The following CEP128 variants were observed in gnomAD, a reference collection of about 807,000 sequenced individuals.
The protein encoded by CEP128 is centrosomal protein 128kDa.
Under a neutral mutation model 156.7 loss-of-function variants are expected in CEP128, and 132 were observed. The observed-to-expected ratio is 0.84, with a 90% CI of 0.73 to 0.97. The LOEUF is 0.97. Among genes scored for constraint, CEP128 ranks in the 50% least tolerant of loss-of-function variants. The pLI, the probability that CEP128 is intolerant of heterozygous loss-of-function variation, is 0.00. For synonymous variants in CEP128, 469 were observed against 448.9 expected, an observed-to-expected ratio of 1.04 and a Z score of -0.57; for missense variants, 1,252 against 1,281.9, an observed-to-expected ratio of 0.98 and a Z score of 0.36.
chr14:80,681,555 T>G (rs1208481091), intron 19 of CEP128, among the ~76,000 whole-genome samples: 1 of 152,178 alleles, frequency 6.6e-6, no homozygotes, highest in African/African-American at 2.4e-5. Context: ...GGGAGGTAAT[T>G]GAATCACGGG....
chr14:80,519,904 C>T (rs1888658327), intron 23 of CEP128, among the ~76,000 whole-genome samples: 1 of 152,106 alleles, frequency 6.6e-6, no homozygotes, highest in Admixed American at 6.5e-5. Context: ...TTAAAGTTTG[C>T]TGTGGTGGAA....
Position 80,496,692 on chromosome 14 carries a change from T to C in CEP128, c.*787A>G, listed in dbSNP as rs1240715236. ...TAGGACCAAATTATACAAGATTATATATAAATCTCATGGACAAAGGAGTTT... is the reference window on the plus strand; with the variant it reads ...TAGGACCAAATTATACAAGATTATACATAAATCTCATGGACAAAGGAGTTT... On this transcript the variant is annotated 3_prime_UTR_variant, in exon 25 of 25. Transcript: ENST00000555265. 6.6e-6 allele frequency: 1 copy of C among 152,202 alleles called. No homozygotes were observed. Among genetic ancestry groups the C allele is most frequent in the African/African-American group, 2.4e-5 (1 of 41,438 alleles). The allele number at this position is 152,202 out of a possible 1,614,324, so 9.4% of individuals were successfully genotyped here. A position where few individuals can be genotyped will look rare whatever the true frequency, so the allele number is the denominator to read the frequency against.
chr14:80,826,787 C>T (rs987293741), intron 13 of CEP128, among the ~76,000 whole-genome samples: 1 of 150,430 alleles, frequency 6.6e-6, no homozygotes, highest in African/African-American at 2.4e-5. Flanking sequence ...GAAGTTCTTT[C>T]TTGAATTTAA....
intron 19 of CEP128, among the ~76,000 whole-genome samples, chr14:80,657,223 C>T (rs1467563232): frequency 6.6e-6 from 1 of 151,386 alleles, no homozygotes; most frequent in Non-Finnish European, 1.5e-5. Flanking sequence ...CGCCACTGCG[C>T]TCCAGCCTGG....
At chr14:80,619,371 C>CACACAG (rs1893369025) in intron 19 of CEP128, among the ~76,000 whole-genome samples, 1 of 147,126 alleles carries the variant, frequency 6.8e-6, no homozygotes, top group South Asian at 2.3e-4. Flanking sequence ...CACACAGACA[C>CACACAG]ACACACACAC....
intron 19 of CEP128, among the ~76,000 whole-genome samples, chr14:80,713,620 G>A (rs1050622442): frequency 6.6e-6 from 1 of 152,198 alleles, no homozygotes; most frequent in African/African-American, 2.4e-5. Context: ...CTAGTGGACT[G>A]TAGCATATTC....
intron 21 of CEP128, among the ~76,000 whole-genome samples, chr14:80,541,735 C>T (rs901019205): frequency 1.3e-5 from 2 of 152,164 alleles, no homozygotes; most frequent in Admixed American, 6.5e-5. Flanking sequence ...TCTATGCCAT[C>T]GTGACTTTAT....
At chr14:80,898,151 G>A (rs1889435505) in intron 7 of CEP128, among the ~76,000 whole-genome samples, 1 of 152,148 alleles carries the variant, frequency 6.6e-6, no homozygotes, top group Non-Finnish European at 1.5e-5. Flanking sequence ...CTTTCTAAAA[G>A]TTTGCTTCCC....
chr14:80,745,411 T>C (rs1899048194), intron 18 of CEP128, among the ~76,000 whole-genome samples: 1 of 152,152 alleles, frequency 6.6e-6, no homozygotes, highest in Non-Finnish European at 1.5e-5. Flanking sequence ...ACTAATACAA[T>C]GATCAAGTGG....
intron 16 of CEP128, among the ~76,000 whole-genome samples, chr14:80,765,369 A>C (rs1339290336): frequency 6.6e-6 from 1 of 152,204 alleles, no homozygotes; most frequent in Non-Finnish European, 1.5e-5. Context: ...AGTTAATCCA[A>C]GTATCCTGTT....
At chr14:80,653,393 G>C (rs1272895694) in intron 19 of CEP128, among the ~76,000 whole-genome samples, 3 of 151,962 alleles carry the variant, frequency 2.0e-5, no homozygotes, top group Non-Finnish European at 4.4e-5. Context: ...GAAAAGAAGT[G>C]GTCTCTATAA....
chr14:80,929,232 G>C (rs1355063864), intron 2 of CEP128, among the ~76,000 whole-genome samples: 1 of 152,124 alleles, frequency 6.6e-6, no homozygotes, highest in African/African-American at 2.4e-5. Flanking sequence ...ATATTGGTGT[G>C]GATGTAATGA....
intron 8 of CEP128, among the ~76,000 whole-genome samples, chr14:80,868,434 T>C (rs1887874656): frequency 6.6e-6 from 1 of 152,114 alleles, no homozygotes; most frequent in Admixed American, 6.5e-5. Flanking sequence ...GTCATCAGCT[T>C]AAAATAGATT....
intron 2 of CEP128, among the ~76,000 whole-genome samples, chr14:80,947,412 G>A (rs932772799): frequency 2.0e-5 from 3 of 152,220 alleles, no homozygotes; most frequent in African/African-American, 2.4e-5. Flanking sequence ...CCTGGATTTT[G>A]CATATTAAAC....
chr14:80,811,357 C>CT (rs1884521934), intron 13 of CEP128, among the ~76,000 whole-genome samples: 1 of 152,168 alleles, frequency 6.6e-6, no homozygotes, highest in African/African-American at 2.4e-5. Flanking sequence ...AATTGCCACT[C>CT]TGTCTTCCAG....
intron 19 of CEP128, among the ~76,000 whole-genome samples, chr14:80,671,868 TG>T (rs1239681063): frequency 4.7e-4 from 3 of 6,404 alleles, no homozygotes; most frequent in East Asian, 3.6e-3. Flanking sequence ...TTTTTGTGTA[TG>T]GGGGGGTGGG....
At chr14:80,503,762 A>G (rs1411375169) in intron 24 of CEP128, among the ~76,000 whole-genome samples, 1 of 152,192 alleles carries the variant, frequency 6.6e-6, no homozygotes, top group Non-Finnish European at 1.5e-5. Context: ...CTTGAGGTCC[A>G]TATTGAAGGG....
chr14:80,855,556 C>T (rs10130150), intron 9 of CEP128, among the ~76,000 whole-genome samples: 3,000 of 151,626 alleles, frequency 0.02, 92 homozygotes, highest in African/African-American at 0.07. Flanking sequence ...CAAAAATGTA[C>T]GAGATGACTA....
chr14:80,742,990 C>A, intron 19 of CEP128, 85 bp downstream of exon 19: 1 of 1,152,780 alleles, frequency 8.7e-7, no homozygotes, highest in Non-Finnish European at 1.3e-6. Flanking sequence ...AAAGGGGATG[C>A]AACAGAAGTA....
Sources: gnomAD v4.1 joint callset for allele counts (sites outside exome capture counted in the v4.1 genomes callset) on GRCh38, gnomAD v4.1.1 for gene constraint, MANE v1.5 for transcripts, NCBI Gene and HGNC (gene_info 2026-07-23, HGNC 2026-07-21) for gene names.